Variants in PDE7B observed in about 807,000 individuals in gnomAD.
The protein encoded by PDE7B is 3',5'-cyclic-AMP phosphodiesterase 7B.
In PDE7B, 29 loss-of-function variants were observed where a neutral mutation model predicts 56.2. The ratio of observed to expected loss-of-function variants is 0.52; its 90% CI spans 0.38 to 0.70. The LOEUF (loss-of-function observed/expected upper bound fraction) is 0.70, where lower values mean the gene tolerates loss of function less well. Ranked by LOEUF, PDE7B falls within the 30% of genes least tolerant of loss-of-function variation. PDE7B has a pLI of 0.00. For synonymous variants in PDE7B, 197 were observed against 196.9 expected, an observed-to-expected ratio of 1.00 and a Z score of 0.00; for missense variants, 490 against 565.0, an observed-to-expected ratio of 0.87 and a Z score of 1.35.
intron 8 of PDE7B, among the ~76,000 whole-genome samples, chr6:136,159,419 C>T (rs1026390938): frequency 1.3e-5 from 2 of 152,220 alleles, no homozygotes; most frequent in Admixed American, 6.5e-5. Flanking sequence ...CTGCAGACAG[C>T]AATTGGCATC....
chr6:136,127,246 T>A (rs1014111129), intron 3 of PDE7B, among the ~76,000 whole-genome samples: 6 of 152,148 alleles, frequency 3.9e-5, no homozygotes, highest in Non-Finnish European at 8.8e-5. Context: ...TCCATTAAAT[T>A]CTGTTCTGGC....
chr6:135,961,543 G>A (rs1444313079), intron 2 of PDE7B, among the ~76,000 whole-genome samples: 3 of 152,010 alleles, frequency 2.0e-5, no homozygotes, highest in Non-Finnish European at 2.9e-5. Flanking sequence ...GTTACCATCA[G>A]GTTGATGATG....
intron 2 of PDE7B, chr6:136,038,147 G>GC: frequency 1.5e-6 from 2 of 1,301,118 alleles, no homozygotes; most frequent in Middle Eastern, 2.1e-4. Context: ...TCTTACGGGG[G>GC]TTCGCTTTTC....
chr6:136,157,432 G>T (rs1302121845), intron 8 of PDE7B, among the ~76,000 whole-genome samples: 1 of 152,126 alleles, frequency 6.6e-6, no homozygotes, highest in African/African-American at 2.4e-5. Flanking sequence ...ACAAAAATTA[G>T]CTGGGCATCG....
At chr6:135,926,753 G>C (rs1774199406) in intron 1 of PDE7B, among the ~76,000 whole-genome samples, 1 of 152,112 alleles carries the variant, frequency 6.6e-6, no homozygotes, top group Admixed American at 6.5e-5. Context: ...GGCATGTCCT[G>C]AACCCCATCC....
At chr6:136,113,701 T>TA (rs1234375070) in intron 3 of PDE7B, among the ~76,000 whole-genome samples, 1 of 152,214 alleles carries the variant, frequency 6.6e-6, no homozygotes, top group East Asian at 1.9e-4. Context: ...TTTCATTTAC[T>TA]AATTCTGTTT....
chr6:135,885,412 C>T (rs1464730932), intron 1 of PDE7B, among the ~76,000 whole-genome samples: 2 of 151,728 alleles, frequency 1.3e-5, no homozygotes, highest in African/African-American at 4.8e-5. Flanking sequence ...AGTGATCTCT[C>T]GGGCATCATC....
chr6:136,073,523 GTAGATGTCACTTC>G (rs1257328640), intron 2 of PDE7B, among the ~76,000 whole-genome samples: 2 of 152,156 alleles, frequency 1.3e-5, no homozygotes, highest in Non-Finnish European at 2.9e-5. Context: ...CCCTCGGCTT[GTAGATGTCACTTC>G]TATGGTCTTC....
chr6:135,970,128 A>T (rs946480630), intron 2 of PDE7B, among the ~76,000 whole-genome samples: 2 of 152,182 alleles, frequency 1.3e-5, no homozygotes, highest in African/African-American at 4.8e-5. Context: ...CAGTGATGAA[A>T]ATAAACAAAA....
In PDE7B at chr6:135,916,935, G is replaced by A. The variant is rs181922865; in HGVS notation, c.22-30529G>A. On this transcript the variant is annotated intron_variant, in intron 1 of 12. Coordinates refer to ENST00000308191, the MANE Select transcript of PDE7B (RefSeq NM_018945.4). ...CTTATAAAGTATCTGATGAACGGAT[G>A]TTTTAATTTGGCAGTTGAATTTATC... 6.3e-4 allele frequency among the ~76,000 whole-genome samples: 96 copies of A among 152,160 alleles called. 1 individual carries two copies. Among genetic ancestry groups the A allele is most frequent in the Middle Eastern group, 3.4e-3 (1 of 294 alleles).
intron 2 of PDE7B, among the ~76,000 whole-genome samples, chr6:135,962,308 C>T (rs1055292430): frequency 6.6e-6 from 1 of 152,104 alleles, no homozygotes; most frequent in Non-Finnish European, 1.5e-5. Flanking sequence ...AATGAAACAG[C>T]AGTGTTTTCA....
intron 3 of PDE7B, among the ~76,000 whole-genome samples, chr6:136,130,877 G>C (rs1438904578): frequency 6.6e-6 from 1 of 152,128 alleles, no homozygotes; most frequent in Non-Finnish European, 1.5e-5. Flanking sequence ...AGTGAAAGGG[G>C]TTCCCCCTTA....
At chr6:136,181,090 T>C in intron 10 of PDE7B, 137 bp from the exon 11 acceptor site, 1 of 665,730 alleles carries the variant, frequency 1.5e-6, no homozygotes, top group East Asian at 2.5e-5. Context: ...TGAAGAGGCA[T>C]GTCAGGGAGG....
At chr6:135,985,359 G>T (rs1047182697) in intron 2 of PDE7B, among the ~76,000 whole-genome samples, 40 of 152,198 alleles carry the variant, frequency 2.6e-4, no homozygotes, top group African/African-American at 8.7e-4. Flanking sequence ...ATAGGACAAG[G>T]CAACTAGAGG....
At chr6:136,054,575 T>C (rs1776695411) in intron 2 of PDE7B, among the ~76,000 whole-genome samples, 1 of 152,218 alleles carries the variant, frequency 6.6e-6, no homozygotes, top group African/African-American at 2.4e-5. Flanking sequence ...AAAGTAGTTT[T>C]TTCCAATTCT....
intron 1 of PDE7B, among the ~76,000 whole-genome samples, chr6:135,901,561 C>T (rs1251312752): frequency 6.6e-6 from 1 of 151,984 alleles, no homozygotes; most frequent in East Asian, 1.9e-4. Flanking sequence ...TTCCTGTCTC[C>T]AAGAGGTAGC....
intron 1 of PDE7B, among the ~76,000 whole-genome samples, chr6:135,882,193 G>A (rs963435380): frequency 2.0e-5 from 3 of 152,112 alleles, no homozygotes; most frequent in Admixed American, 6.5e-5. Context: ...TTTTCCTATT[G>A]GATATCCACA....
intron 3 of PDE7B, among the ~76,000 whole-genome samples, chr6:136,138,974 T>G (rs1365591912): frequency 6.6e-6 from 1 of 152,162 alleles, no homozygotes; most frequent in African/African-American, 2.4e-5. Flanking sequence ...ATTTTTTTGT[T>G]GTTTTTTATT....
intron 1 of PDE7B, among the ~76,000 whole-genome samples, chr6:135,940,083 C>A (rs1774484121): frequency 6.6e-6 from 1 of 152,116 alleles, no homozygotes; most frequent in Admixed American, 6.5e-5. Flanking sequence ...TTTCTCCAAT[C>A]CCCTCTGTGA....
Sources: gnomAD v4.1 joint callset for allele counts (sites outside exome capture counted in the v4.1 genomes callset) on GRCh38, gnomAD v4.1.1 for gene constraint, MANE v1.5 for transcripts, NCBI Gene and HGNC (gene_info 2026-07-23, HGNC 2026-07-21) for gene names.